WDR26: variants seen among roughly 807,000 people sequenced by gnomAD.
WDR26 encodes WD repeat domain 26.
A neutral mutation model predicts 84.1 loss-of-function variants in WDR26; 5 were observed. The ratio of observed to expected loss-of-function variants is 0.06; its 90% CI spans 0.03 to 0.13. The LOEUF is 0.13. Ranked by LOEUF, WDR26 falls within the 10% of genes least tolerant of loss-of-function variation. WDR26 has a pLI of 1.00. For synonymous variants in WDR26, 415 were observed against 389.6 expected (o/e 1.07, Z -0.77); for missense variants, 642 against 974.9 (o/e 0.66, Z 4.55).
At position 224,434,260 on chromosome 1, in the gene WDR26, G is replaced by A; in HGVS notation, c.146C>T (p.Ala49Val). 1 of 1,302,422 alleles carries A rather than the reference G, an allele frequency of 7.7e-7. No individual in the cohort carries two copies. The highest frequency in any genetic ancestry group is 2.9e-5 in the East Asian group (1 of 34,420). 80.7% of individuals were successfully genotyped at this position (1,302,422 alleles called of 1,614,324 possible). The change falls in exon 1 of 14, where the codon GCA becomes GTA. Residue 49 changes from alanine (A) to valine (V), a missense_variant. Ala to Val is a moderately conservative substitution (Grantham distance 64). Coordinates refer to ENST00000414423, the MANE Select transcript of WDR26 (RefSeq NM_001379403.1). ...CGACGAGGACGGAGGGGAGAGGCCT[G>A]CTCTGCCTGCCGAAGCCCCGGGCTC...
intron 8 of WDR26, among the ~76,000 whole-genome samples, chr1:224,404,229 C>T (rs1324443606): frequency 6.6e-6 from 1 of 152,142 alleles, no homozygotes; most frequent in Non-Finnish European, 1.5e-5. Context: ...ACTTACTGAT[C>T]ATTCTTCCAA....
At chr1:224,408,430 C>T (rs1368298185) in intron 7 of WDR26, among the ~76,000 whole-genome samples, 1 of 152,122 alleles carries the variant, frequency 6.6e-6, no homozygotes, top group Non-Finnish European at 1.5e-5. Flanking sequence ...TAAATACTGG[C>T]TAAATGAAGG....
intron 3 of WDR26, among the ~76,000 whole-genome samples, chr1:224,428,794 T>G (rs1237718892): frequency 6.7e-6 from 1 of 149,688 alleles, no homozygotes; most frequent in East Asian, 2.0e-4. Context: ...TAATTCCAAC[T>G]ACTTGGGAGG....
At position 224,400,824 on chromosome 1, in the gene WDR26, G is replaced by A. The variant is rs1437738890; in HGVS notation, c.1719+126C>T. On this transcript the variant is annotated intron_variant, in intron 9 of 13. Coordinates refer to ENST00000414423, the MANE Select transcript of WDR26 (RefSeq NM_001379403.1). Reference sequence around the variant, plus strand: ...GCCTCCCAAAGTGCTGGGATTACAGGTGTGAGCCACCATGCCTGGCCCACA... The same window carrying A: ...GCCTCCCAAAGTGCTGGGATTACAGATGTGAGCCACCATGCCTGGCCCACA... The A allele has an allele frequency of 3.0e-6, 4 of 1,322,184 alleles. No homozygotes were observed. The African/African-American group carries it at 6.0e-5, about 20-fold the overall frequency. The allele number at this position is 1,322,184 out of a possible 1,614,324, so 81.9% of individuals were successfully genotyped here. A position where few individuals can be genotyped will look rare whatever the true frequency, so the allele number is the denominator to read the frequency against.
At chr1:224,422,080 C>G (rs910784525) in intron 4 of WDR26, among the ~76,000 whole-genome samples, 1 of 152,074 alleles carries the variant, frequency 6.6e-6, no homozygotes, top group African/African-American at 2.4e-5. Context: ...AGTGATGTCA[C>G]GAGAATACCC....
chr1:224,391,385 A>AAAAAC (rs1673124050), intron 13 of WDR26, among the ~76,000 whole-genome samples: 3 of 45,890 alleles, frequency 6.5e-5, no homozygotes, highest in Non-Finnish European at 8.8e-5. Flanking sequence ...AAAAAAAAAC[A>AAAAAC]AAAAAAAAAC....
In WDR26 at chr1:224,431,500, G is replaced by C; in HGVS notation, c.904C>G (p.Gln302Glu). 1 of 1,613,976 alleles carries C rather than the reference G, an allele frequency of 6.2e-7. No homozygotes were observed. Among genetic ancestry groups the C allele is most frequent in the Non-Finnish European group, 8.5e-7 (1 of 1,179,920 alleles). The change falls in exon 3 of 14, where the codon CAA (glutamine) becomes GAA (glutamate). Residue 302 changes from glutamine (Q) to glutamate (E), a missense_variant. Around this residue, in one of 2 missense-constraint regions of WDR26, gnomAD observed 351 missense variants for 672.8 expected, o/e 0.52. Transcript: ENST00000414423. ...ACCACAATTATTCCCAACAACGTTT[G>C]AGAGATTTCAAGTGCGCCTCTTACC...
At position 224,413,641 on chromosome 1, in the gene WDR26, T is replaced by C. The variant is rs142128667; in HGVS notation, c.1320-2076A>G. ...AGGACAAATAATTTACCAGATGTTA[T>C]AAAACTGATAAGTAATTGTACTAAG... On this transcript the variant is annotated intron_variant, in intron 6 of 13. Transcript: ENST00000414423. Among the ~76,000 whole-genome samples, 57 of 152,336 alleles carry C rather than the reference T, an allele frequency of 3.7e-4. 1 individual carries two copies. The highest frequency in any genetic ancestry group is 7.6e-4 in the Non-Finnish European group (52 of 68,026).
chr1:224,407,172 AAC>A (rs1673604026), intron 7 of WDR26, among the ~76,000 whole-genome samples: 5 of 111,982 alleles, frequency 4.5e-5, no homozygotes, highest in African/African-American at 1.5e-4. Flanking sequence ...ATATATATAT[AAC>A]TCAAAAACTT....
intron 6 of WDR26, among the ~76,000 whole-genome samples, chr1:224,414,559 C>A (rs773857658): frequency 6.6e-6 from 1 of 151,982 alleles, no homozygotes; most frequent in Non-Finnish European, 1.5e-5. Flanking sequence ...AATTTCAAAG[C>A]TAAGATTTAA....
chr1:224,432,096 G>A lies in WDR26; in HGVS notation c.723-315C>T, dbSNP rs578235112. Among the ~76,000 whole-genome samples the A allele has an allele frequency of 3.9e-5, 6 of 152,164 alleles. No individual in the cohort carries two copies. The East Asian group carries it at 1.2e-3, about 29-fold the overall frequency. ...GCTGTAACCAACTAGTCAAATAAAT[G>A]AAAAACCAGAATCAACATACTACGT... On this transcript the variant is annotated intron_variant, in intron 1 of 13. Coordinates refer to ENST00000414423, the MANE Select transcript of WDR26 (RefSeq NM_001379403.1).
intron 7 of WDR26, among the ~76,000 whole-genome samples, chr1:224,410,488 T>G (rs1319347281): frequency 6.6e-6 from 1 of 151,930 alleles, no homozygotes; most frequent in Non-Finnish European, 1.5e-5. Flanking sequence ...AAACGAACAC[T>G]TATCTGATTT....
intron 1 of WDR26, among the ~76,000 whole-genome samples, chr1:224,432,116 CTACGT>C (rs1157021805): frequency 6.6e-6 from 1 of 152,164 alleles, no homozygotes; most frequent in Non-Finnish European, 1.5e-5. Flanking sequence ...AATCAACATA[CTACGT>C]TACATTTTGA....
intron 7 of WDR26, among the ~76,000 whole-genome samples, chr1:224,407,145 A>ATATAT (rs1553355680): frequency 4.2e-5 from 1 of 23,634 alleles, no homozygotes; most frequent in Non-Finnish European, 7.7e-5. Context: ...AAAAAAAAAA[A>ATATAT]AAAAAAATAT....
chr1:224,394,971 A>G (rs1558415506), intron 12 of WDR26, among the ~76,000 whole-genome samples: 1 of 152,200 alleles, frequency 6.6e-6, no homozygotes, highest in African/African-American at 2.4e-5. Context: ...TGTAGACTAT[A>G]ATCTCATGAA....
chr1:224,400,766 G>A (rs1673389815), intron 9 of WDR26, among the ~76,000 whole-genome samples, 184 bp downstream of exon 9: 1 of 152,126 alleles, frequency 6.6e-6, no homozygotes, highest in Non-Finnish European at 1.5e-5. Flanking sequence ...GACTGGTCTT[G>A]AACTCCTGAT....
chr1:224,409,606 A>G (rs1313932452), intron 7 of WDR26, among the ~76,000 whole-genome samples: 3 of 152,244 alleles, frequency 2.0e-5, no homozygotes, highest in Non-Finnish European at 4.4e-5. Flanking sequence ...TCACGCCAGT[A>G]ATCCCAGCAC....
chr1:224,391,385 A>T (rs10799572), intron 13 of WDR26, among the ~76,000 whole-genome samples: 1 of 45,890 alleles, frequency 2.2e-5, no homozygotes, highest in Non-Finnish European at 4.4e-5. Flanking sequence ...AAAAAAAAAC[A>T]AAAAAAAAAC....
intron 7 of WDR26, among the ~76,000 whole-genome samples, chr1:224,410,898 T>G (rs893550918): frequency 1.3e-5 from 2 of 151,962 alleles, no homozygotes; most frequent in African/African-American, 4.8e-5. Context: ...CTCTATGTTG[T>G]CCAGGCTGCT....
Sources: gnomAD v4.1 joint callset for allele counts (sites outside exome capture counted in the v4.1 genomes callset) on GRCh38, gnomAD v4.1.1 for gene constraint, gnomAD v4.1.1 regional missense constraint, MANE v1.5 for transcripts, NCBI Gene and HGNC (gene_info 2026-07-23, HGNC 2026-07-21) for gene names.